KIAA1671: variants seen among roughly 807,000 people sequenced by gnomAD.
The protein encoded by KIAA1671 is KIAA1671.
Under a neutral mutation model 131.2 loss-of-function variants are expected in KIAA1671, and 52 were observed. The observed-to-expected ratio is 0.40, with a 90% confidence interval of 0.32 to 0.50. The LOEUF (loss-of-function observed/expected upper bound fraction) is 0.50, where lower values mean the gene tolerates loss of function less well. Ranked by LOEUF, KIAA1671 falls within the 20% of genes least tolerant of loss-of-function variation. KIAA1671 has a pLI of 0.73. For synonymous variants in KIAA1671, 1,003 were observed against 961.6 expected, an observed-to-expected ratio of 1.04 and a Z score of -0.80; for missense variants, 2,360 against 2,364.2, an observed-to-expected ratio of 1.00 and a Z score of 0.04.
intron 6 of KIAA1671, chr22:25,051,594 ATCC>A (rs1166381536): frequency 6.7e-6 from 1 of 149,846 alleles, no homozygotes; most frequent in Non-Finnish European, 1.5e-5. Flanking sequence ...TCCCTTTCTC[ATCC>A]TCCTCCTCCC....
chr22:24,997,821 T>C (rs544126397), intron 1 of KIAA1671, among the ~76,000 whole-genome samples: 2 of 152,256 alleles, frequency 1.3e-5, no homozygotes, highest in African/African-American at 2.4e-5. Context: ...TATCAAGATA[T>C]AGAACATTCT....
chr22:25,034,583 C>T (rs375543781), intron 4 of KIAA1671, among the ~76,000 whole-genome samples: 4 of 151,986 alleles, frequency 2.6e-5, no homozygotes, highest in African/African-American at 9.7e-5. Context: ...GTGAGTAGAC[C>T]ACAATTCGTT....
chr22:24,994,303 T>A lies in KIAA1671; in HGVS notation c.-207-31330T>A, dbSNP rs115987009. Among the ~76,000 whole-genome samples the A allele has an allele frequency of 1.6e-3, 245 of 151,934 alleles. 3 individuals carry two copies. Among genetic ancestry groups the A allele is most frequent in the African/African-American group, 5.7e-3 (237 of 41,440 alleles). ...GGTTCCCCCAGAAGCAGAGCCTAAG[T>A]CAAGGGTGCAAAGGCAAGCAGTTTA... On this transcript the variant is annotated intron_variant, in intron 1 of 12. Transcript: ENST00000358431.
intron 5 of KIAA1671, among the ~76,000 whole-genome samples, chr22:25,048,141 T>C (rs1263736634): frequency 1.3e-5 from 2 of 151,980 alleles, no homozygotes; most frequent in African/African-American, 4.8e-5. Context: ...GGGCAAGGTG[T>C]GGGAGGAGCA....
In KIAA1671 at chr22:25,037,420, A is replaced by G. The variant is rs979176507; in HGVS notation, c.1630-1340A>G. Among the ~76,000 whole-genome samples the G allele has an allele frequency of 3.1e-4, 47 of 151,986 alleles. No individual in the cohort carries two copies. The South Asian group carries it at 5.0e-3, about 16-fold the overall frequency. ...TATATGTATATATGTGTGTATATAT[A>G]TGTGTGTGTATATATTTCAACAAAG... On this transcript the variant is annotated intron_variant, in intron 4 of 12. Transcript: ENST00000358431.
intron 1 of KIAA1671, among the ~76,000 whole-genome samples, chr22:25,020,805 C>T (rs1169636489): frequency 6.6e-6 from 1 of 152,138 alleles, no homozygotes; most frequent in African/African-American, 2.4e-5. Context: ...GTTCATTGTG[C>T]TGAAGTACGT....
At position 25,038,911 on chromosome 22, in the gene KIAA1671, C is replaced by T. The variant is rs1926762256; in HGVS notation, c.1781C>T (p.Pro594Leu). Residue 594 changes from proline (P) to leucine (L), a missense_variant, in exon 5 of 13, where the codon CCG (proline) becomes CTG (leucine). Physicochemically the swap from Pro to Leu is moderately conservative, Grantham distance 98. This residue lies in a region of KIAA1671 where 1,185 missense variants were observed against 1,126.2 expected (regional missense o/e 1.05). Coordinates refer to ENST00000358431, the MANE Select transcript of KIAA1671 (RefSeq NM_001145206.2). The part of the protein sequence containing the change: ...SCRGGSSVEA[P>L]CPSDVTPEDD... ...CGCGGTGGAAGCTCAGTGGAGGCCCCGTGCCCTTCTGACGTCACTCCAGAG... is the reference window on the plus strand; with the variant it reads ...CGCGGTGGAAGCTCAGTGGAGGCCCTGTGCCCTTCTGACGTCACTCCAGAG... 7.1e-6 allele frequency: 11 copies of T among 1,551,688 alleles called. No individual in the cohort carries two copies. Among genetic ancestry groups the T allele is most frequent in the East Asian group, 4.9e-5 (2 of 40,894 alleles).
At chr22:25,012,519 T>G (rs1399495785) in intron 1 of KIAA1671, 2 of 152,088 alleles carry the variant, frequency 1.3e-5, no homozygotes, top group African/African-American at 4.8e-5. Context: ...GTAATCCACC[T>G]GCCTGAGCCT....
intron 6 of KIAA1671, among the ~76,000 whole-genome samples, chr22:25,087,824 C>A (rs1207285616): frequency 1.3e-5 from 2 of 152,140 alleles, no homozygotes; most frequent in Non-Finnish European, 2.9e-5. Flanking sequence ...TCTCCACTGC[C>A]CACGGTCTGG....
At chr22:25,128,883 C>T (rs1932304361) in intron 6 of KIAA1671, among the ~76,000 whole-genome samples, 1 of 152,210 alleles carries the variant, frequency 6.6e-6, no homozygotes, top group African/African-American at 2.4e-5. Flanking sequence ...GTCCTTGGCT[C>T]ATTTATGCAG....
intron 1 of KIAA1671, among the ~76,000 whole-genome samples, chr22:24,958,599 T>G (rs962905593): frequency 6.8e-6 from 1 of 146,294 alleles, no homozygotes; most frequent in Non-Finnish European, 1.5e-5. Context: ...TGTGGTGACC[T>G]GAGATCATGC....
At chr22:25,127,844 C>T (rs1049145761) in intron 6 of KIAA1671, among the ~76,000 whole-genome samples, 1 of 152,142 alleles carries the variant, frequency 6.6e-6, no homozygotes, top group Non-Finnish European at 1.5e-5. Flanking sequence ...TGCGGAGCCC[C>T]GTGGATTTTC....
At chr22:25,041,560 A>G (rs938715232) in intron 5 of KIAA1671, 35 bp downstream of exon 5, 6 of 1,487,380 alleles carry the variant, frequency 4.0e-6, no homozygotes, top group Non-Finnish European at 5.4e-6. Context: ...TTTGTCAAAC[A>G]TGGTTTAAAC....
intron 6 of KIAA1671, among the ~76,000 whole-genome samples, chr22:25,116,274 T>C (rs1931654448): frequency 6.6e-6 from 1 of 151,980 alleles, no homozygotes; most frequent in African/African-American, 2.4e-5. Context: ...GGTCCTGCTA[T>C]GTTGCCCAGG....
rs1318909198 is a variant in KIAA1671 at position 25,041,122 on chromosome 22, C to G, written c.3992C>G (p.Ala1331Gly). ...KTGFAEDDRK[A>G]FASKHHVAKC... is the part of the protein sequence containing the mutation. Reference sequence around the variant, plus strand: ...GGGTTTGCTGAGGATGACAGAAAGGCCTTTGCCAGTAAACATCATGTTGCA... The same window carrying G: ...GGGTTTGCTGAGGATGACAGAAAGGGCTTTGCCAGTAAACATCATGTTGCA... The change falls in exon 5 of 13, where the codon GCC (alanine) becomes GGC (glycine). Residue 1331 changes from alanine to glycine, a missense_variant. Around this residue, in one of 3 missense-constraint regions of KIAA1671, gnomAD observed 1,161 missense variants for 1,204.7 expected, o/e 0.96. Transcript: ENST00000358431. 1.3e-6 allele frequency: 2 copies of G among 1,549,934 alleles called. No homozygotes were observed. The highest frequency in any genetic ancestry group is 1.7e-6 in the Non-Finnish European group (2 of 1,145,942).
chr22:24,957,261 G>T (rs1921763283), intron 1 of KIAA1671, among the ~76,000 whole-genome samples: 2 of 152,100 alleles, frequency 1.3e-5, no homozygotes, highest in Admixed American at 1.3e-4. Context: ...AGGAGGGAGG[G>T]CTGGGACATT....
intron 5 of KIAA1671, among the ~76,000 whole-genome samples, chr22:25,042,375 A>C (rs2145809444): frequency 6.6e-6 from 1 of 152,226 alleles, no homozygotes; most frequent in Middle Eastern, 3.4e-3. Context: ...GTGAATGTTC[A>C]AGAAGTATTT....
At chr22:25,180,140 A>G (rs1038812873) in intron 9 of KIAA1671, among the ~76,000 whole-genome samples, 1 of 140,752 alleles carries the variant, frequency 7.1e-6, no homozygotes, top group Non-Finnish European at 1.6e-5. Flanking sequence ...CAAGCTGGGA[A>G]TAGCAGGATA....
At chr22:24,990,115 A>C (rs1033655511) in intron 1 of KIAA1671, among the ~76,000 whole-genome samples, 5 of 152,014 alleles carry the variant, frequency 3.3e-5, no homozygotes, top group African/African-American at 1.2e-4. Context: ...TTTTAGACAG[A>C]GTCTTGCTCT....
Sources: gnomAD v4.1 joint callset for allele counts (sites outside exome capture counted in the v4.1 genomes callset) on GRCh38, gnomAD v4.1.1 for gene constraint, gnomAD v4.1.1 regional missense constraint, MANE v1.5 for transcripts, NCBI Gene and HGNC (gene_info 2026-07-23, HGNC 2026-07-21) for gene names.